Variants in CTDP1 observed in about 807,000 individuals in gnomAD.
The protein encoded by CTDP1 is CTD phosphatase 1.
A neutral mutation model predicts 91.8 loss-of-function variants in CTDP1; 47 were observed. That is an observed-to-expected ratio of 0.51 (90% confidence interval 0.41 to 0.65). The LOEUF is 0.65. Ranked by LOEUF, CTDP1 falls within the 30% of genes least tolerant of loss-of-function variation. The pLI is 0.00. For synonymous variants in CTDP1, 656 were observed against 598.5 expected, an observed-to-expected ratio of 1.10 and a Z score of -1.40; for missense variants, 1,272 against 1,373.7, an observed-to-expected ratio of 0.93 and a Z score of 1.17.
At chr18:79,727,919 A>G (rs557938630) in intron 10 of CTDP1, among the ~76,000 whole-genome samples, 2 of 152,308 alleles carry the variant, frequency 1.3e-5, no homozygotes, top group African/African-American at 2.4e-5. Context: ...ATCAGAATAT[A>G]TTAATAAGAT....
chr18:79,749,270 C>G (rs1307233250), intron 12 of CTDP1, among the ~76,000 whole-genome samples: 1 of 152,134 alleles, frequency 6.6e-6, no homozygotes, highest in Non-Finnish European at 1.5e-5. Flanking sequence ...CCCTGCTTGC[C>G]CCAGGGTCCC....
chr18:79,735,054 G>A (rs772982022), intron 11 of CTDP1, among the ~76,000 whole-genome samples: 4 of 152,174 alleles, frequency 2.6e-5, no homozygotes, highest in South Asian at 2.1e-4. Flanking sequence ...CAGAGTGGAC[G>A]GGGTGGATGC....
intron 1 of CTDP1, among the ~76,000 whole-genome samples, chr18:79,689,929 GT>G (rs1307617738): frequency 4.6e-5 from 7 of 152,214 alleles, no homozygotes; most frequent in Non-Finnish European, 7.3e-5. Context: ...CGGCGGCTGA[GT>G]CTTGAGGCAT....
chr18:79,728,774 AC>A, intron 10 of CTDP1, 132 bp from the exon 11 acceptor site: 1 of 1,124,408 alleles, frequency 8.9e-7, no homozygotes, highest in Non-Finnish European at 1.3e-6. Context: ...GCGAAACATC[AC>A]GTTTTTCATA....
intron 11 of CTDP1, among the ~76,000 whole-genome samples, chr18:79,735,458 G>A (rs570078636): frequency 3.3e-5 from 5 of 152,364 alleles, no homozygotes; most frequent in African/African-American, 9.6e-5. Flanking sequence ...AGAGCTGCCC[G>A]CCAACACCAC....
Position 79,709,299 on chromosome 18 carries a change from A to T in CTDP1, c.773-1047A>T, listed in dbSNP as rs575549925. ...TATTTTTAAATTATCTTTATTTAAA[A>T]ATATGAGCACTTTACTGTAAATTGA... On this transcript the variant is annotated intron_variant, in intron 5 of 12. Coordinates refer to ENST00000613122, the MANE Select transcript of CTDP1 (RefSeq NM_004715.5). Among the ~76,000 whole-genome samples the T allele has an allele frequency of 6.6e-5, 10 of 152,358 alleles. No homozygotes were observed. The South Asian group carries it at 1.9e-3, about 28-fold the overall frequency.
chr18:79,742,651 A>G (rs2086803189), intron 12 of CTDP1, among the ~76,000 whole-genome samples: 1 of 152,262 alleles, frequency 6.6e-6, no homozygotes, highest in African/African-American at 2.4e-5. Context: ...GTATAGTTTT[A>G]TAGTATAAGA....
intron 10 of CTDP1, among the ~76,000 whole-genome samples, chr18:79,723,438 G>T (rs555594004): frequency 2.3e-4 from 35 of 152,348 alleles, no homozygotes; most frequent in Non-Finnish European, 4.0e-4. Context: ...AGTGAGGGCA[G>T]TTGGCCCTTC....
intron 5 of CTDP1, among the ~76,000 whole-genome samples, chr18:79,705,691 A>G (rs937284955): frequency 6.6e-6 from 1 of 152,240 alleles, no homozygotes. Flanking sequence ...AGTGTAGGCA[A>G]GCTCCTCCGT....
upstream of CTDP1, chr18:79,679,421 G>A (rs1455126610): frequency 4.4e-6 from 2 of 456,020 alleles, no homozygotes; most frequent in Middle Eastern, 6.5e-4. Context: ...GAGGAGAGCG[G>A]CTCGCGGTGC....
At chr18:79,735,334 G>A (rs1328216145) in intron 11 of CTDP1, among the ~76,000 whole-genome samples, 4 of 152,182 alleles carry the variant, frequency 2.6e-5, no homozygotes, top group Non-Finnish European at 5.9e-5. Context: ...TGGTCAGGCC[G>A]CCCCGCCTCA....
At chr18:79,720,658 T>C (rs1470130423) in intron 10 of CTDP1, among the ~76,000 whole-genome samples, 2 of 152,236 alleles carry the variant, frequency 1.3e-5, no homozygotes, top group African/African-American at 2.4e-5. Context: ...TTCAGGTCTT[T>C]AGAAGGGCTT....
In CTDP1 at chr18:79,696,019, G is replaced by A. The variant is rs769613438; in HGVS notation, c.441G>A (p.Thr147=). The A allele has an allele frequency of 3.1e-5, 50 of 1,612,490 alleles. No homozygotes were observed. In the East Asian group the frequency reaches 8.9e-4, roughly 29 times the overall value. Residue 147 remains threonine (T), a synonymous_variant, in exon 3 of 13, where the codon ACG becomes ACA. Coordinates refer to ENST00000613122, the MANE Select transcript of CTDP1 (RefSeq NM_004715.5). ...GGAAGCAGCAGGTGCCGCTGTCCACGGCGACCGTGTCCATGGTGCACAGCG... is the reference window on the plus strand; with the variant it reads ...GGAAGCAGCAGGTGCCGCTGTCCACAGCGACCGTGTCCATGGTGCACAGCG... The part of the protein sequence containing the change: ...KNGKQQVPLS[T]ATVSMVHSVP...
chr18:79,686,100 CT>C (rs1449466681), intron 1 of CTDP1, among the ~76,000 whole-genome samples: 1 of 152,114 alleles, frequency 6.6e-6, no homozygotes, highest in African/African-American at 2.4e-5. Context: ...TTTTGTTCGT[CT>C]GTGATTTACC....
intron 12 of CTDP1, among the ~76,000 whole-genome samples, chr18:79,744,316 A>G (rs1352894608): frequency 6.6e-6 from 1 of 152,262 alleles, no homozygotes; most frequent in Non-Finnish European, 1.5e-5. Context: ...TTGGCAAAAT[A>G]AACTTTTTAA....
intron 10 of CTDP1, among the ~76,000 whole-genome samples, chr18:79,722,014 G>A (rs1009983478): frequency 6.6e-6 from 1 of 152,116 alleles, no homozygotes; most frequent in African/African-American, 2.4e-5. Context: ...AGCAGAGATG[G>A]GGTTTCATCA....
Position 79,714,728 on chromosome 18 carries a change from C to A in CTDP1, c.1268C>A (p.Pro423His). Residue 423 changes from proline (P) to histidine (H), a missense_variant, in exon 8 of 13, where the codon CCT (proline) becomes CAT (histidine). By Grantham distance (77) the Pro-to-His change is moderately conservative. Coordinates refer to ENST00000613122, the MANE Select transcript of CTDP1 (RefSeq NM_004715.5). ...AGCAGCCAAGAGCTGGCAGGCGCTC[C>A]TGAGCCCCAGGGATCCTGTGCGCAG... The part of the protein sequence containing the change: ...PTSSQELAGA[P>H]EPQGSCAQGG... 6.2e-7 allele frequency: 1 copy of A among 1,603,540 alleles called. No individual in the cohort carries two copies. Among genetic ancestry groups the A allele is most frequent in the East Asian group, 2.2e-5 (1 of 44,492 alleles).
intron 4 of CTDP1, among the ~76,000 whole-genome samples, chr18:79,700,825 T>C (rs188847150): frequency 2.0e-5 from 3 of 152,358 alleles, no homozygotes; most frequent in Admixed American, 1.3e-4. Flanking sequence ...AAGGACAGGC[T>C]GACTCTCTCG....
intron 10 of CTDP1, among the ~76,000 whole-genome samples, chr18:79,728,458 T>C (rs1385570676): frequency 6.6e-6 from 1 of 152,202 alleles, no homozygotes; most frequent in Non-Finnish European, 1.5e-5. Context: ...CCGTTTTTTG[T>C]GTCTGTTTTC....
Sources: gnomAD v4.1 joint callset for allele counts (sites outside exome capture counted in the v4.1 genomes callset) on GRCh38, gnomAD v4.1.1 for gene constraint, MANE v1.5 for transcripts, NCBI Gene and HGNC (gene_info 2026-07-23, HGNC 2026-07-21) for gene names.